Variants in RRP9 observed in about 807,000 individuals in gnomAD.
The protein encoded by RRP9 is U3 small nucleolar RNA-interacting protein 2.
In RRP9, 35 loss-of-function variants were observed where a neutral mutation model predicts 65.5. That is an observed-to-expected ratio of 0.53 (90% CI 0.41 to 0.71). The LOEUF (loss-of-function observed/expected upper bound fraction) is 0.71, where lower values mean the gene tolerates loss of function less well. RRP9 is among the 30% of genes least tolerant of loss of function. RRP9 has a pLI of 0.00. For synonymous variants in RRP9, 254 were observed against 245.0 expected, an observed-to-expected ratio of 1.04 and a Z score of -0.34; for missense variants, 533 against 633.6, an observed-to-expected ratio of 0.84 and a Z score of 1.70.
Position 51,935,395 on chromosome 3 carries a change from A to T in RRP9, c.918T>A (p.Thr306=), listed in dbSNP as rs759862714. Residue 306 remains threonine (T), a synonymous_variant, in exon 10 of 15, where the codon ACT becomes ACA. Coordinates refer to ENST00000232888, the MANE Select transcript of RRP9 (RefSeq NM_004704.5). ...CCVTAGGRDG[T]VRVWKIPEES... ...CCTCGGGGATCTTCCACACACGTAC[A>T]GTCCCATCCCGGCCCCCAGCCGTCA... 3 of 1,614,168 alleles carry T rather than the reference A, an allele frequency of 1.9e-6. No homozygotes were observed. Among genetic ancestry groups the T allele is most frequent in the Admixed American group, 3.3e-5 (2 of 60,022 alleles).
rs764389274 is a variant in RRP9, at chr3:51,936,570, G to A, written c.518-15C>T. Reference sequence around the variant, plus strand: ...CTCCACGCTCCCTGCAGTTGGGGGTGGGGGAGAAGCTACTGGGATGGGGGG... The same window carrying A: ...CTCCACGCTCCCTGCAGTTGGGGGTAGGGGAGAAGCTACTGGGATGGGGGG... On this transcript the variant is annotated splice_polypyrimidine_tract_variant and intron_variant, in intron 6 of 14. Coordinates refer to ENST00000232888, the MANE Select transcript of RRP9 (RefSeq NM_004704.5). The A allele has an allele frequency of 4.3e-6, 7 of 1,612,356 alleles. No individual in the cohort carries two copies. The highest frequency in any genetic ancestry group is 2.7e-5 in the African/African-American group (2 of 74,896).
intron 2 of RRP9, among the ~76,000 whole-genome samples, chr3:51,938,902 G>A (rs1453398969): frequency 6.6e-6 from 1 of 152,152 alleles, no homozygotes; most frequent in Non-Finnish European, 1.5e-5. Flanking sequence ...CTTTACCCTG[G>A]GAACAAGGTT....
At chr3:51,939,172 C>G (rs906677264) in intron 2 of RRP9, among the ~76,000 whole-genome samples, 1 of 152,284 alleles carries the variant, frequency 6.6e-6, no homozygotes, top group Non-Finnish European at 1.5e-5. Flanking sequence ...AAGACTCACT[C>G]GTAAACCTGC....
In RRP9 at chr3:51,935,329, C is replaced by A. The variant is rs2106671876; in HGVS notation, c.971+13G>T. On this transcript the variant is annotated intron_variant, in intron 10 of 14. Transcript: ENST00000232888. The stretch of plus-strand genomic sequence containing the variant: ...GCCCATGTAGCCCCCACTGGCATGG[C>A]AGGCCACCTTACTGGTGGCCATAGA... 1 of 1,614,146 alleles carries A rather than the reference C, an allele frequency of 6.2e-7. No individual in the cohort carries two copies. Among genetic ancestry groups the A allele is most frequent in the Non-Finnish European group, 8.5e-7 (1 of 1,179,988 alleles).
In RRP9 at chr3:51,937,333, G is replaced by T. The variant is rs1163606158; in HGVS notation, c.391-15C>A. ...GGGGCCTGGATCTGGGCAGACAGGGGCCAGGTCACTGTGGCTAGTGGCATA... is the reference window on the plus strand; with the variant it reads ...GGGGCCTGGATCTGGGCAGACAGGGTCCAGGTCACTGTGGCTAGTGGCATA... On this transcript the variant is annotated splice_polypyrimidine_tract_variant and intron_variant, in intron 5 of 14. Coordinates refer to ENST00000232888, the MANE Select transcript of RRP9 (RefSeq NM_004704.5). This position sits in a 1 kb window ranked among gnomAD's most constrained non-coding sequence, Gnocchi z 5.0. 3 of 1,614,004 alleles carry T rather than the reference G, an allele frequency of 1.9e-6. No homozygotes were observed. Among genetic ancestry groups the T allele is most frequent in the Non-Finnish European group, 1.7e-6 (2 of 1,180,018 alleles).
Position 51,934,912 on chromosome 3 carries a change from A to G in RRP9, c.1035-136T>C. ...TGATTATTACATATTGCATGCCTGT[A>G]TCAAAACATCTCAAGTACCCCACAA... On this transcript the variant is annotated intron_variant, in intron 11 of 14. Coordinates refer to ENST00000232888, the MANE Select transcript of RRP9 (RefSeq NM_004704.5). This position sits in a 1 kb window ranked among gnomAD's most constrained non-coding sequence, Gnocchi z 4.1. The G allele has an allele frequency of 1.0e-6, 1 of 990,984 alleles. No homozygotes were observed. The highest frequency in any genetic ancestry group is 1.5e-6 in the Non-Finnish European group (1 of 684,372). 61.4% of individuals were successfully genotyped at this position (990,984 alleles called of 1,614,324 possible). A position where few individuals can be genotyped will look rare whatever the true frequency, so the allele number is the denominator to read the frequency against.
intron 2 of RRP9, among the ~76,000 whole-genome samples, chr3:51,938,947 T>C (rs1032400687): frequency 1.3e-5 from 2 of 152,172 alleles, no homozygotes; most frequent in African/African-American, 4.8e-5. Context: ...GATTGGCCTT[T>C]ACTGGTGAAG....
intron 2 of RRP9, among the ~76,000 whole-genome samples, chr3:51,940,325 G>C (rs549485883): frequency 6.6e-6 from 1 of 152,118 alleles, no homozygotes; most frequent in Admixed American, 6.5e-5. Flanking sequence ...TTTTAGAAGC[G>C]AGTTCTAAAG....
chr3:51,937,646 C>T lies in RRP9; in HGVS notation c.348+23G>A. The stretch of plus-strand genomic sequence containing the variant: ...CAGATCAGCTCCACCCCCGTCCTCC[C>T]CCAACTCTCCCTCCACACTTACCAC... On this transcript the variant is annotated intron_variant, in intron 4 of 14. Transcript: ENST00000232888. The surrounding 1 kb of genome is among the most constrained non-coding windows in gnomAD (Gnocchi z 5.0). The T allele has an allele frequency of 1.2e-6, 2 of 1,614,216 alleles. No individual in the cohort carries two copies. The highest frequency in any genetic ancestry group is 1.7e-6 in the Non-Finnish European group (2 of 1,180,040).
rs1193190091 is a variant in RRP9 at position 51,941,863 on chromosome 3, G to A, written c.5C>T (p.Ser2Leu). ...CCGCTTACGAGCAGCCGCTGTTGCCGACATGCTGCCCACCAGGCGTGTAGC... is the reference window on the plus strand; with the variant it reads ...CCGCTTACGAGCAGCCGCTGTTGCCAACATGCTGCCCACCAGGCGTGTAGC... M[S>L]ATAAARKRGK... Residue 2 changes from serine to leucine, a missense_variant, in exon 1 of 15, where the codon TCG becomes TTG. By Grantham distance (145) the Ser-to-Leu change is moderately radical. Around this residue, in one of 3 missense-constraint regions of RRP9, gnomAD observed 77 missense variants for 60.5 expected, o/e 1.27. Coordinates refer to ENST00000232888, the MANE Select transcript of RRP9 (RefSeq NM_004704.5). The A allele has an allele frequency of 3.2e-6, 5 of 1,580,604 alleles. No homozygotes were observed. Among genetic ancestry groups the A allele is most frequent in the East Asian group, 2.3e-5 (1 of 43,540 alleles).
chr3:51,935,117 TGAGGCAAGCTC>T, intron 11 of RRP9, 69 bp downstream of exon 11: 1 of 1,247,984 alleles, frequency 8.0e-7, no homozygotes, highest in Non-Finnish European at 1.1e-6. Flanking sequence ...GGGGGTGCCC[TGAGGCAAGCTC>T]AGGGCCCCGT....
chr3:51,936,594 G>A, intron 6 of RRP9, 39 bp from the exon 7 acceptor site: 1 of 1,597,640 alleles, frequency 6.3e-7, no homozygotes, highest in South Asian at 1.1e-5. Flanking sequence ...TGGGATGGGG[G>A]GATAGGGCTG....
At position 51,934,029 on chromosome 3, in the gene RRP9, T is replaced by C. The variant is rs1273261251; in HGVS notation, c.1261-248A>G. Among the ~76,000 whole-genome samples the C allele has an allele frequency of 2.0e-5, 3 of 152,168 alleles. No homozygotes were observed. The highest frequency in any genetic ancestry group is 2.0e-4 in the Admixed American group (3 of 15,274). ...TGAAGGAGGCAGTGTACACCCAGTA[T>C]GGCCTGAGGCTGGCTCCTGGTGGTG... On this transcript the variant is annotated intron_variant, in intron 13 of 14. Coordinates refer to ENST00000232888, the MANE Select transcript of RRP9 (RefSeq NM_004704.5). This position sits in a 1 kb window ranked among gnomAD's most constrained non-coding sequence, Gnocchi z 4.1.
In RRP9 at chr3:51,937,320, T is replaced by G; in HGVS notation, c.391-2A>C. On this transcript the variant is annotated splice_acceptor_variant, in intron 5 of 14. Coordinates refer to ENST00000232888, the MANE Select transcript of RRP9 (RefSeq NM_004704.5). LOFTEE classifies it high-confidence loss of function. This position sits in a 1 kb window ranked among gnomAD's most constrained non-coding sequence, Gnocchi z 5.0. The stretch of plus-strand genomic sequence containing the variant: ...GTCAGCTGAGGCTGGGGCCTGGATC[T>G]GGGCAGACAGGGGCCAGGTCACTGT... 6.2e-7 allele frequency: 1 copy of G among 1,614,088 alleles called. No individual in the cohort carries two copies. Among genetic ancestry groups the G allele is most frequent in the Non-Finnish European group, 8.5e-7 (1 of 1,180,012 alleles).
Position 51,938,219 on chromosome 3 carries a change from G to T in RRP9, c.171-15C>A, listed in dbSNP as rs764767735. 6.5e-6 allele frequency: 10 copies of T among 1,539,144 alleles called. No homozygotes were observed. The highest frequency in any genetic ancestry group is 7.0e-6 in the Non-Finnish European group (8 of 1,145,564). Reference sequence around the variant, plus strand: ...TTGGAGCTAGGCTGTGGGCAGGAAGGGGCTGGGTCTGAGGGGCTCACCTTG... The same window carrying T: ...TTGGAGCTAGGCTGTGGGCAGGAAGTGGCTGGGTCTGAGGGGCTCACCTTG... On this transcript the variant is annotated splice_polypyrimidine_tract_variant and intron_variant, in intron 2 of 14. Transcript: ENST00000232888.
In RRP9 at chr3:51,941,391, TG is replaced by T. The variant is rs749455907; in HGVS notation, c.170+17del. On this transcript the variant is annotated intron_variant, in intron 2 of 14. Coordinates refer to ENST00000232888, the MANE Select transcript of RRP9 (RefSeq NM_004704.5). ...GGACTCAGTTTTCCCTCCCACTATG[TG>T]GAAAAGAATAGCTCACCTCTCGCTC... is the stretch of plus-strand genomic sequence containing the variant. The T allele has an allele frequency of 2.2e-5, 36 of 1,610,424 alleles. No homozygotes were observed. In the African/African-American group the frequency reaches 3.3e-4, roughly 15 times the overall value.
chr3:51,936,237 A>G lies in RRP9; in HGVS notation c.735+20T>C, dbSNP rs200756790. 4.2e-4 allele frequency: 670 copies of G among 1,610,108 alleles called. 4 individuals carry two copies. The African/African-American group carries it at 7.3e-3, about 17-fold the overall frequency. On this transcript the variant is annotated intron_variant, in intron 8 of 14. Transcript: ENST00000232888. Reference sequence around the variant, plus strand: ...GCATGTGCCCACTAAAGATCCACTGACATAGACCCAGCTCCTCACCGACAC... The same window carrying G: ...GCATGTGCCCACTAAAGATCCACTGGCATAGACCCAGCTCCTCACCGACAC...
At position 51,938,164 on chromosome 3, in the gene RRP9, GCTCCTCCTC is replaced by G. The variant is rs148178643; in HGVS notation, c.202_210del (p.Glu68_Glu70del). ...TTCTTTTCCTGTGCAGTTTCCTCCA[GCTCCTCCTC>G]CTCCTCCTCCTCAGGCTTCCTTGGA... On this transcript the variant is annotated inframe_deletion, in exon 3 of 15. Transcript: ENST00000232888. The G allele has an allele frequency of 5.5e-5, 88 of 1,593,538 alleles. 1 individual carries two copies. The highest frequency in any genetic ancestry group is 2.4e-4 in the Admixed American group (14 of 57,688).
chr3:51,935,131 G>A, intron 11 of RRP9, 66 bp downstream of exon 11: 2 of 1,573,244 alleles, frequency 1.3e-6, no homozygotes, highest in Non-Finnish European at 1.7e-6. Context: ...GCAAGCTCAG[G>A]GCCCCGTGGA....
Sources: allele counts gnomAD v4.1 joint callset (sites outside exome capture counted in the v4.1 genomes callset), GRCh38; gene constraint gnomAD v4.1.1; regional missense constraint gnomAD v4.1.1; non-coding constraint Gnocchi (gnomAD v3.1); transcripts MANE v1.5; gene names NCBI Gene and HGNC (gene_info 2026-07-23, HGNC 2026-07-21).